The following KCNK13 variants were observed in gnomAD, a reference collection of about 807,000 sequenced individuals.
KCNK13 encodes potassium channel subfamily K member 13.
A neutral mutation model predicts 23.4 loss-of-function variants in KCNK13; 12 were observed. The observed-to-expected ratio is 0.51, with a 90% CI of 0.33 to 0.83. The LOEUF (loss-of-function observed/expected upper bound fraction) is 0.83. Among genes scored for constraint, KCNK13 ranks in the 40% least tolerant of loss-of-function variants. The probability of loss-of-function intolerance (pLI) is 0.02; values close to 1 mark genes in which losing one functional copy is unlikely to be tolerated. For synonymous variants in KCNK13, 231 were observed against 229.5 expected (o/e 1.01, Z -0.06); for missense variants, 463 against 556.3 (o/e 0.83, Z 1.69).
At chr14:90,063,785 C>T (rs1888974989) in intron 1 of KCNK13, among the ~76,000 whole-genome samples, 2 of 152,182 alleles carry the variant, frequency 1.3e-5, no homozygotes, top group Non-Finnish European at 2.9e-5. Flanking sequence ...GGCTTCAGGT[C>T]AGATTCATCA....
At chr14:90,077,318 G>T (rs539091079) in intron 1 of KCNK13, among the ~76,000 whole-genome samples, 2 of 147,408 alleles carry the variant, frequency 1.4e-5, no homozygotes, top group African/African-American at 5.0e-5. Flanking sequence ...ACAGGGTTTC[G>T]CCATGTTGGC....
intron 1 of KCNK13, among the ~76,000 whole-genome samples, chr14:90,082,280 G>A (rs1889223284): frequency 6.6e-6 from 1 of 151,448 alleles, no homozygotes; most frequent in African/African-American, 2.4e-5. Context: ...GGCCAGGCTG[G>A]TCTTGAACTC....
At chr14:90,166,324 C>T (rs982875314) in intron 1 of KCNK13, among the ~76,000 whole-genome samples, 19 of 152,212 alleles carry the variant, frequency 1.2e-4, no homozygotes, top group African/African-American at 2.9e-4. Context: ...AGTGGAAATA[C>T]GTTCCCTTTG....
intron 1 of KCNK13, among the ~76,000 whole-genome samples, chr14:90,105,449 A>T (rs1596779783): frequency 6.6e-6 from 1 of 152,216 alleles, no homozygotes; most frequent in East Asian, 1.9e-4. Context: ...ATACAGGATA[A>T]ATCAAGTGAC....
chr14:90,159,186 G>A (rs572585737), intron 1 of KCNK13, among the ~76,000 whole-genome samples: 4 of 152,194 alleles, frequency 2.6e-5, no homozygotes, highest in South Asian at 2.1e-4. Flanking sequence ...TTTTATAGTC[G>A]GCATTAATCC....
intron 1 of KCNK13, among the ~76,000 whole-genome samples, chr14:90,125,273 G>C (rs1438853249): frequency 1.3e-5 from 2 of 151,392 alleles, no homozygotes; most frequent in Non-Finnish European, 2.9e-5. Context: ...GCCGAGGCTG[G>C]AGTGCAGTGG....
In KCNK13 at chr14:90,184,617, A is replaced by G. The variant is rs114305114; in HGVS notation, c.841A>G (p.Ile281Val). The G allele has an allele frequency of 5.0e-6, 8 of 1,614,170 alleles. No individual in the cohort carries two copies. The highest frequency in any genetic ancestry group is 6.8e-6 in the Non-Finnish European group (8 of 1,180,034). ...CIYSLFNVISILIKQSLNWIL... is the reference protein window; with the variant it reads ...CIYSLFNVISVLIKQSLNWIL... The stretch of plus-strand genomic sequence containing the variant: ...CTACTCCTTGTTCAATGTCATCTCT[A>G]TCCTCATCAAACAGTCCTTGAACTG... The change falls in exon 2 of 2, where the codon ATC becomes GTC. Residue 281 changes from isoleucine (I) to valine (V), a missense_variant. Physicochemically the swap from Ile to Val is conservative, Grantham distance 29 (BLOSUM62 3). Coordinates refer to ENST00000282146, the MANE Select transcript of KCNK13 (RefSeq NM_022054.4). This position sits in a 1 kb window ranked among gnomAD's most constrained non-coding sequence, Gnocchi z 5.6.
At chr14:90,130,726 A>T (rs974804008) in intron 1 of KCNK13, among the ~76,000 whole-genome samples, 1 of 152,076 alleles carries the variant, frequency 6.6e-6, no homozygotes, top group African/African-American at 2.4e-5. Context: ...AGGCAGGAGA[A>T]TCACTTGAAC....
chr14:90,167,998 G>A (rs1324956942), intron 1 of KCNK13, among the ~76,000 whole-genome samples: 1 of 152,142 alleles, frequency 6.6e-6, no homozygotes, highest in Non-Finnish European at 1.5e-5. Flanking sequence ...AAGGCCCCAC[G>A]GTTAACCCAG....
intron 1 of KCNK13, among the ~76,000 whole-genome samples, chr14:90,181,139 G>A (rs975895081): frequency 6.6e-6 from 1 of 152,216 alleles, no homozygotes; most frequent in African/African-American, 2.4e-5. Flanking sequence ...ACAGGCATGA[G>A]CCACCATGCC....
intron 1 of KCNK13, among the ~76,000 whole-genome samples, chr14:90,094,244 C>G (rs1281166220): frequency 5.3e-5 from 8 of 152,152 alleles, no homozygotes; most frequent in African/African-American, 1.9e-4. Context: ...CTTGCATTGT[C>G]TCCACTGAAT....
At position 90,110,499 on chromosome 14, in the gene KCNK13, A is replaced by AAG. The variant is rs1555402664; in HGVS notation, c.334+47960_334+47961insAG. Among the ~76,000 whole-genome samples the AAG allele has an allele frequency of 1.4e-4, 21 of 146,564 alleles. 1 individual carries two copies. The highest frequency in any genetic ancestry group is 1.1e-3 in the South Asian group (5 of 4,536). On this transcript the variant is annotated intron_variant, in intron 1 of 1. Transcript: ENST00000282146. ...CGTCTCAAAAAAGAAAAAAAAAAAA[A>AAG]GCATCTGATTCAGGAGCTCTGGAAT... is the stretch of plus-strand genomic sequence containing the variant.
chr14:90,147,594 A>T (rs920362801), intron 1 of KCNK13, among the ~76,000 whole-genome samples: 3 of 152,180 alleles, frequency 2.0e-5, no homozygotes, highest in African/African-American at 7.2e-5. Context: ...AAATTGATAT[A>T]TAGTCAAAGT....
At chr14:90,114,090 C>CA (rs1889646603) in intron 1 of KCNK13, among the ~76,000 whole-genome samples, 1 of 152,182 alleles carries the variant, frequency 6.6e-6, no homozygotes, top group African/African-American at 2.4e-5. Flanking sequence ...AAAGCAAACT[C>CA]AAATTTTCGT....
chr14:90,062,586 C>A lies in KCNK13; in HGVS notation c.334+47C>A. 7.2e-7 allele frequency: 1 copy of A among 1,380,204 alleles called. No homozygotes were observed. Among genetic ancestry groups the A allele is most frequent in the East Asian group, 2.7e-5 (1 of 36,796 alleles). 85.5% of individuals were successfully genotyped at this position (1,380,204 alleles called of 1,614,324 possible). ...GCTGACAACCTCCGGGCGGCCTCCACTTCCTCCGGGGGGCAGGACCGACCC... is the reference window on the plus strand; with the variant it reads ...GCTGACAACCTCCGGGCGGCCTCCAATTCCTCCGGGGGGCAGGACCGACCC... On this transcript the variant is annotated intron_variant, in intron 1 of 1. Transcript: ENST00000282146. This position sits in a 1 kb window ranked among gnomAD's most constrained non-coding sequence, Gnocchi z 4.5.
chr14:90,143,196 T>C (rs1242279049), intron 1 of KCNK13, among the ~76,000 whole-genome samples: 1 of 133,192 alleles, frequency 7.5e-6, no homozygotes, highest in Admixed American at 7.2e-5. Flanking sequence ...TTTTCTTTCT[T>C]TCTTTTCTTT....
At chr14:90,149,775 G>T (rs1015079767) in intron 1 of KCNK13, among the ~76,000 whole-genome samples, 1 of 152,200 alleles carries the variant, frequency 6.6e-6, no homozygotes, top group African/African-American at 2.4e-5. Context: ...ATGGAAAGAA[G>T]AATTCAGAAG....
At chr14:90,182,752 T>C (rs1229694241) in intron 1 of KCNK13, among the ~76,000 whole-genome samples, 2 of 151,856 alleles carry the variant, frequency 1.3e-5, no homozygotes, top group East Asian at 3.9e-4. Context: ...ACCTGGTAGT[T>C]TTAGGCTGCA....
rs1890536123 is a variant in KCNK13, at chr14:90,185,078, C to T, written c.*75C>T. 1 of 1,324,818 alleles carries T rather than the reference C, an allele frequency of 7.5e-7. No homozygotes were observed. The highest frequency in any genetic ancestry group is 1.5e-5 in the African/African-American group (1 of 67,918). The allele number at this position is 1,324,818 out of a possible 1,614,324, so 82.1% of individuals were successfully genotyped here. ...TGCCGCCCAGGGGACGAGCTCAGCC[C>T]TGCGCCTTGGCTCTGTTCCTTCTGG... On this transcript the variant is annotated 3_prime_UTR_variant, in exon 2 of 2. Transcript: ENST00000282146.
Sources: gnomAD v4.1 joint callset for allele counts (sites outside exome capture counted in the v4.1 genomes callset) on GRCh38, gnomAD v4.1.1 for gene constraint, Gnocchi (gnomAD v3.1) non-coding constraint, MANE v1.5 for transcripts, NCBI Gene and HGNC (gene_info 2026-07-23, HGNC 2026-07-21) for gene names.